Variants in SYN3 observed in about 807,000 individuals in gnomAD.
SYN3 encodes the protein synapsin-3.
In SYN3, 35 loss-of-function variants were observed where a neutral mutation model predicts 65.8. The ratio of observed to expected loss-of-function variants is 0.53; its 90% CI spans 0.41 to 0.70. SYN3 has a LOEUF of 0.70. SYN3 is among the 30% of genes least tolerant of loss of function. SYN3 has a pLI of 0.00. For synonymous variants in SYN3, 270 were observed against 292.9 expected, an observed-to-expected ratio of 0.92 and a Z score of 0.80; for missense variants, 680 against 749.0, an observed-to-expected ratio of 0.91 and a Z score of 1.08.
chr22:32,980,537 T>C (rs1276228531), intron 3 of SYN3, 108 bp downstream of exon 3: 6 of 1,009,040 alleles, frequency 5.9e-6, no homozygotes, highest in South Asian at 4.1e-5. Context: ...TTTCTGGTAA[T>C]CTTGGCTCAT....
intron 4 of SYN3, among the ~76,000 whole-genome samples, chr22:32,897,556 G>T (rs890827756): frequency 6.6e-6 from 1 of 152,204 alleles, no homozygotes; most frequent in Non-Finnish European, 1.5e-5. Context: ...GATTCAGAGG[G>T]TTAAGAACAC....
chr22:32,647,431 G>C (rs935757834), intron 6 of SYN3, among the ~76,000 whole-genome samples: 4 of 151,896 alleles, frequency 2.6e-5, no homozygotes, highest in African/African-American at 9.7e-5. Flanking sequence ...GAATTTTCTA[G>C]CTTTGAGATT....
At chr22:32,922,128 G>A (rs1263317748) in intron 4 of SYN3, among the ~76,000 whole-genome samples, 1 of 152,204 alleles carries the variant, frequency 6.6e-6, no homozygotes, top group Non-Finnish European at 1.5e-5. Flanking sequence ...TCAGATGCAT[G>A]GATCCTCTCC....
chr22:32,549,601 T>G (rs1855780729), intron 7 of SYN3, among the ~76,000 whole-genome samples: 1 of 152,178 alleles, frequency 6.6e-6, no homozygotes, highest in South Asian at 2.1e-4. Flanking sequence ...TGCACATATT[T>G]GATTAAAAAA....
At chr22:32,856,968 C>G (rs549772314) in intron 6 of SYN3, among the ~76,000 whole-genome samples, 38 of 152,338 alleles carry the variant, frequency 2.5e-4, no homozygotes, top group African/African-American at 9.1e-4. Context: ...GTTCCAGCTG[C>G]ATTGCCACAA....
At chr22:32,771,962 G>A (rs1190750426) in intron 6 of SYN3, among the ~76,000 whole-genome samples, 1 of 152,118 alleles carries the variant, frequency 6.6e-6, no homozygotes, top group African/African-American at 2.4e-5. Context: ...GAGGGTTGGG[G>A]AGCACAGCCG....
At chr22:32,964,320 A>G (rs1282712178) in intron 3 of SYN3, among the ~76,000 whole-genome samples, 1 of 150,842 alleles carries the variant, frequency 6.6e-6, no homozygotes, top group Non-Finnish European at 1.5e-5. Context: ...TAACATGTTA[A>G]ATGACGAGTT....
intron 3 of SYN3, among the ~76,000 whole-genome samples, chr22:32,960,895 C>T (rs1242636069): frequency 6.6e-6 from 1 of 152,150 alleles, no homozygotes; most frequent in Non-Finnish European, 1.5e-5. Context: ...AGGTCCTGAC[C>T]CTGTCCCTAT....
intron 1 of SYN3, among the ~76,000 whole-genome samples, chr22:33,011,693 T>C (rs2053355698): frequency 1.3e-5 from 2 of 152,170 alleles, no homozygotes; most frequent in Non-Finnish European, 2.9e-5. Flanking sequence ...AGTGAAACCA[T>C]CTGGGGTTGG....
intron 6 of SYN3, among the ~76,000 whole-genome samples, chr22:32,757,270 C>A (rs2045318526): frequency 6.7e-6 from 1 of 149,224 alleles, no homozygotes; most frequent in African/African-American, 2.5e-5. Context: ...AGATTGCCAT[C>A]TGGACACTTT....
intron 3 of SYN3, among the ~76,000 whole-genome samples, chr22:32,959,543 A>C (rs2051579610): frequency 6.6e-6 from 1 of 151,666 alleles, no homozygotes; most frequent in African/African-American, 2.4e-5. Context: ...AGAGTGAGAC[A>C]CTGTCTCAGA....
Position 32,509,138 on chromosome 22 carries a change from A to T in SYN3, c.*4554T>A, listed in dbSNP as rs975942013. 6.6e-6 allele frequency among the ~76,000 whole-genome samples: 1 copy of T among 152,246 alleles called. No individual in the cohort carries two copies. The highest frequency in any genetic ancestry group is 1.5e-5 in the Non-Finnish European group (1 of 68,050). ...GAAAGCTGATTTTACATTTAACCAAAGTACGGTACCATTTTATCGCGCTGA... is the reference window on the plus strand; with the variant it reads ...GAAAGCTGATTTTACATTTAACCAATGTACGGTACCATTTTATCGCGCTGA... On this transcript the variant is annotated 3_prime_UTR_variant, in exon 14 of 14. Coordinates refer to ENST00000358763, the MANE Select transcript of SYN3 (RefSeq NM_003490.4).
chr22:32,750,939 C>T (rs145524049), intron 6 of SYN3, among the ~76,000 whole-genome samples: 240 of 152,132 alleles, frequency 1.6e-3, no homozygotes, highest in African/African-American at 5.6e-3. Flanking sequence ...GGTGAAGGCC[C>T]ATCAGACATC....
intron 3 of SYN3, among the ~76,000 whole-genome samples, chr22:32,954,240 T>C (rs979338451): frequency 1.3e-5 from 2 of 152,056 alleles, no homozygotes; most frequent in Non-Finnish European, 2.9e-5. Flanking sequence ...TTTAATAATG[T>C]CCCTAGGACA....
chr22:32,578,534 G>A (rs564757554), intron 7 of SYN3, among the ~76,000 whole-genome samples: 61 of 152,288 alleles, frequency 4.0e-4, no homozygotes, highest in African/African-American at 1.4e-3. Flanking sequence ...ACAGGCATGA[G>A]CCACTGACCC....
At chr22:32,878,628 ACT>A (rs1367697839) in intron 4 of SYN3, among the ~76,000 whole-genome samples, 5 of 151,612 alleles carry the variant, frequency 3.3e-5, no homozygotes, top group Admixed American at 1.3e-4. Context: ...TCTCACACAC[ACT>A]CTCTGTTTTC....
intron 10 of SYN3, 63 bp from the exon 11 acceptor site, chr22:32,529,071 C>T (rs1569007284): frequency 1.2e-6 from 2 of 1,607,010 alleles, no homozygotes; most frequent in East Asian, 2.2e-5. Context: ...TTGGGCATCA[C>T]ATCCCAGAAG....
rs2052449045 is a variant in SYN3 at position 32,984,069 on chromosome 22, G to A, written c.312-3367C>T. On this transcript the variant is annotated intron_variant, in intron 2 of 13. Coordinates refer to ENST00000358763, the MANE Select transcript of SYN3 (RefSeq NM_003490.4). ...AGCTGAGGCAGGAGAGGCTGAGGCA[G>A]GAGAATCGCTTGAACCTGGGAGGCA... is the stretch of plus-strand genomic sequence containing the variant. Among the ~76,000 whole-genome samples, 4 of 149,750 alleles carry A rather than the reference G, an allele frequency of 2.7e-5. No individual in the cohort carries two copies. The South Asian group carries it at 8.4e-4, about 31-fold the overall frequency.
chr22:32,821,048 A>G (rs2047232899), intron 6 of SYN3, among the ~76,000 whole-genome samples: 1 of 152,108 alleles, frequency 6.6e-6, no homozygotes, highest in Admixed American at 6.5e-5. Context: ...TAGAGAATTT[A>G]TATTTTTGAG....
Sources: gnomAD v4.1 joint callset for allele counts (sites outside exome capture counted in the v4.1 genomes callset) on GRCh38, gnomAD v4.1.1 for gene constraint, MANE v1.5 for transcripts, NCBI Gene and HGNC (gene_info 2026-07-23, HGNC 2026-07-21) for gene names.